CLMN: variants seen among roughly 807,000 people sequenced by gnomAD.
CLMN encodes the protein calmin, also known as calmin (calponin-like, transmembrane).
Under a neutral mutation model 92.7 loss-of-function variants are expected in CLMN, and 57 were observed. The ratio of observed to expected loss-of-function variants is 0.61; its 90% CI spans 0.50 to 0.77. The LOEUF (loss-of-function observed/expected upper bound fraction) is 0.77. Ranked by LOEUF, CLMN falls within the 30% of genes least tolerant of loss-of-function variation. The pLI is 0.00. For synonymous variants in CLMN, 466 were observed against 470.6 expected, an observed-to-expected ratio of 0.99 and a Z score of 0.13; for missense variants, 1,158 against 1,237.5, an observed-to-expected ratio of 0.94 and a Z score of 0.96.
At chr14:95,245,211 T>TATATA (rs1898453455) in intron 1 of CLMN, among the ~76,000 whole-genome samples, 3 of 21,782 alleles carry the variant, frequency 1.4e-4, no homozygotes, top group Non-Finnish European at 2.1e-4. Flanking sequence ...ATATATATTA[T>TATATA]ATATATATAT....
At chr14:95,220,849 C>T (rs1897515142) in intron 4 of CLMN, among the ~76,000 whole-genome samples, 1 of 152,190 alleles carries the variant, frequency 6.6e-6, no homozygotes, top group Non-Finnish European at 1.5e-5. Flanking sequence ...CCAGAGGTTG[C>T]AGGGGCAGGG....
intron 1 of CLMN, among the ~76,000 whole-genome samples, chr14:95,231,536 A>G (rs932354440): frequency 1.3e-5 from 2 of 152,126 alleles, no homozygotes; most frequent in Non-Finnish European, 2.9e-5. Context: ...CATCCCCCTC[A>G]GCACCCTGTC....
intron 1 of CLMN, among the ~76,000 whole-genome samples, chr14:95,276,946 A>AT (rs56746791): frequency 0.78 from 116,081 of 149,642 alleles, 45,967 homozygotes; most frequent in East Asian, 0.95. Flanking sequence ...GAAAAAGATG[A>AT]TTTTTTTTTT....
intron 10 of CLMN, among the ~76,000 whole-genome samples, chr14:95,196,290 C>T (rs1249868700): frequency 6.6e-6 from 1 of 152,208 alleles, no homozygotes; most frequent in Non-Finnish European, 1.5e-5. Flanking sequence ...AGCTTCCCAT[C>T]CTTCCCTTTT....
At chr14:95,249,852 A>G (rs367872067) in intron 1 of CLMN, among the ~76,000 whole-genome samples, 1 of 152,118 alleles carries the variant, frequency 6.6e-6, no homozygotes, top group Non-Finnish European at 1.5e-5. Context: ...TCAGAACCCA[A>G]TTTCAAGTTA....
chr14:95,252,547 G>A (rs1032262198), intron 1 of CLMN, among the ~76,000 whole-genome samples: 2 of 152,194 alleles, frequency 1.3e-5, no homozygotes, highest in Non-Finnish European at 2.9e-5. Context: ...GGTAATTTAT[G>A]TCACATTTGA....
chr14:95,241,868 G>A (rs897993550), intron 1 of CLMN, among the ~76,000 whole-genome samples: 8 of 152,044 alleles, frequency 5.3e-5, no homozygotes, highest in Non-Finnish European at 7.4e-5. Flanking sequence ...ACACACGCAC[G>A]CACACTCTCG....
chr14:95,303,420 T>C (rs750756560), intron 1 of CLMN, among the ~76,000 whole-genome samples: 8 of 152,108 alleles, frequency 5.3e-5, no homozygotes, highest in Non-Finnish European at 1.0e-4. Context: ...CACGCCAAGC[T>C]CAGAAGAGCT....
chr14:95,192,598 A>G (rs1156864294), intron 12 of CLMN: 1 of 152,258 alleles, frequency 6.6e-6, no homozygotes, highest in Non-Finnish European at 1.5e-5. Context: ...CATCTGCCAC[A>G]GTCTACATAC....
Position 95,302,193 on chromosome 14 carries a change from A to G in CLMN, c.82+17518T>C, listed in dbSNP as rs61982978. Among the ~76,000 whole-genome samples, 439 of 152,274 alleles carry G rather than the reference A, an allele frequency of 2.9e-3. 4 individuals carry two copies. Among genetic ancestry groups the G allele is most frequent in the Non-Finnish European group, 5.0e-3 (337 of 68,008 alleles). On this transcript the variant is annotated intron_variant, in intron 1 of 12. Coordinates refer to ENST00000298912, the MANE Select transcript of CLMN (RefSeq NM_024734.4). Reference sequence around the variant, plus strand: ...TGTGCACCTGTAATCCCAGCTACTCAGGAGGCTGAGGCAGGAGAATCGCTT... The same window carrying G: ...TGTGCACCTGTAATCCCAGCTACTCGGGAGGCTGAGGCAGGAGAATCGCTT...
At chr14:95,218,137 G>A (rs1327293008) in intron 4 of CLMN, among the ~76,000 whole-genome samples, 1 of 152,212 alleles carries the variant, frequency 6.6e-6, no homozygotes, top group Non-Finnish European at 1.5e-5. Context: ...CAATTGGTTT[G>A]TGGAAATATT....
intron 11 of CLMN, 80 bp from the exon 12 acceptor site, chr14:95,193,999 T>C: frequency 6.3e-7 from 1 of 1,579,610 alleles, no homozygotes; most frequent in South Asian, 1.2e-5. Flanking sequence ...ATAAAACGAT[T>C]TTAAACACAC....
chr14:95,267,102 G>C (rs1899502036), intron 1 of CLMN, among the ~76,000 whole-genome samples: 1 of 152,154 alleles, frequency 6.6e-6, no homozygotes, highest in Admixed American at 6.5e-5. Context: ...AAATGCTCCA[G>C]GACATTGGTT....
intron 3 of CLMN, among the ~76,000 whole-genome samples, chr14:95,222,905 C>T (rs1451999203): frequency 3.9e-5 from 6 of 152,174 alleles, no homozygotes; most frequent in East Asian, 1.9e-4. Context: ...AGACCCAGGA[C>T]GCTCTGTGCT....
At chr14:95,205,495 G>A (rs1897021931) in intron 8 of CLMN, among the ~76,000 whole-genome samples, 1 of 152,108 alleles carries the variant, frequency 6.6e-6, no homozygotes, top group Non-Finnish European at 1.5e-5. Context: ...CTAAAGGAGG[G>A]AATGAACAGT....
In CLMN at chr14:95,300,052, G is replaced by A. The variant is rs1005520126; in HGVS notation, c.82+19659C>T. ...CAACATAGAGACGCCTCTACAGAGC[G>A]AGACGCTCAATCAGGAAGCTCTGAT... On this transcript the variant is annotated intron_variant, in intron 1 of 12. Coordinates refer to ENST00000298912, the MANE Select transcript of CLMN (RefSeq NM_024734.4). Among the ~76,000 whole-genome samples the A allele has an allele frequency of 9.2e-5, 14 of 152,214 alleles. 1 individual carries two copies. The highest frequency in any genetic ancestry group is 7.8e-4 in the Admixed American group (12 of 15,290).
At chr14:95,199,943 A>G (rs1007066907) in intron 9 of CLMN, among the ~76,000 whole-genome samples, 7 of 152,076 alleles carry the variant, frequency 4.6e-5, no homozygotes, top group African/African-American at 1.4e-4. Flanking sequence ...CTTGGAGTTC[A>G]TGCTAAGACA....
intron 1 of CLMN, among the ~76,000 whole-genome samples, chr14:95,283,826 G>A (rs1900233933): frequency 6.6e-6 from 1 of 152,188 alleles, no homozygotes; most frequent in African/African-American, 2.4e-5. Context: ...TAAAAGTTTG[G>A]AAAATTTGCA....
chr14:95,269,253 T>C (rs1263197419), intron 1 of CLMN, among the ~76,000 whole-genome samples: 1 of 152,248 alleles, frequency 6.6e-6, no homozygotes, highest in Non-Finnish European at 1.5e-5. Flanking sequence ...TTTTGTATTC[T>C]TAATGTTTTA....
Sources: allele counts gnomAD v4.1 joint callset (sites outside exome capture counted in the v4.1 genomes callset), GRCh38; gene constraint gnomAD v4.1.1; transcripts MANE v1.5; gene names NCBI Gene and HGNC (gene_info 2026-07-23, HGNC 2026-07-21).